VWA8: variants seen among roughly 807,000 people sequenced by gnomAD.
The protein encoded by VWA8 is von Willebrand factor A domain containing 8, also known as von Willebrand factor A domain-containing protein 8.
VWA8 carries 221 observed loss-of-function variants against 241.5 expected under a neutral mutation model. The observed-to-expected ratio is 0.91, with a 90% confidence interval of 0.82 to 1.02. The LOEUF (loss-of-function observed/expected upper bound fraction) is 1.02, where lower values mean the gene tolerates loss of function less well. Ranked by LOEUF, VWA8 falls within the 50% of genes least tolerant of loss-of-function variation. The probability of loss-of-function intolerance (pLI) is 0.00; values close to 1 mark genes in which losing one functional copy is unlikely to be tolerated. For missense variants in VWA8, 2,322 were observed against 2,328.7 expected (o/e 1.00, Z 0.06); for synonymous variants, 852 against 827.1 (o/e 1.03, Z -0.52).
chr13:41,649,195 A>G (rs1463415591), intron 37 of VWA8, among the ~76,000 whole-genome samples: 1 of 152,172 alleles, frequency 6.6e-6, no homozygotes, highest in African/African-American at 2.4e-5. Context: ...CAACAATAAC[A>G]ACAACAAAAA....
chr13:41,638,714 C>A (rs965509423), intron 37 of VWA8, among the ~76,000 whole-genome samples: 1 of 151,946 alleles, frequency 6.6e-6, no homozygotes, highest in Admixed American at 6.6e-5. Flanking sequence ...AATGGAGGTC[C>A]GAAAGTAGTC....
Position 41,882,209 on chromosome 13 carries a change from G to A in VWA8, c.1080+1178C>T, listed in dbSNP as rs1386184277. 4.6e-5 allele frequency among the ~76,000 whole-genome samples: 7 copies of A among 151,404 alleles called. No individual in the cohort carries two copies. In the East Asian group the frequency reaches 9.8e-4, roughly 21 times the overall value. ...TCTCCCCACATCTCAGACGATGGGCGGCCGGGCAGAGACGCTCCTCACTTC... is the reference window on the plus strand; with the variant it reads ...TCTCCCCACATCTCAGACGATGGGCAGCCGGGCAGAGACGCTCCTCACTTC... On this transcript the variant is annotated intron_variant, in intron 9 of 44. Transcript: ENST00000379310.
chr13:41,925,144 A>C (rs7490145), intron 2 of VWA8, among the ~76,000 whole-genome samples: 35,086 of 152,102 alleles, frequency 0.23, 4,111 homozygotes, highest in East Asian at 0.29. Context: ...GCCAGTCAAA[A>C]ATACTACACC....
chr13:41,768,416 A>C (rs915039916), intron 20 of VWA8, among the ~76,000 whole-genome samples: 2 of 152,184 alleles, frequency 1.3e-5, no homozygotes, highest in Non-Finnish European at 2.9e-5. Flanking sequence ...CATTTACTAA[A>C]CCTCTATCAG....
chr13:41,568,447 TG>T lies in VWA8; in HGVS notation c.5610-143del, dbSNP rs1253715028. 38 of 579,456 alleles carry T rather than the reference TG, an allele frequency of 6.6e-5. No individual in the cohort carries two copies. The African/African-American group carries it at 7.2e-4, about 11-fold the overall frequency. The allele number at this position is 579,456 out of a possible 1,614,324, so 35.9% of individuals were successfully genotyped here. On this transcript the variant is annotated intron_variant, in intron 44 of 44. Transcript: ENST00000379310. Reference sequence around the variant, plus strand: ...TAATACCTTGCTCTCTGCCTACCATTGAATTAGTCGTCATTAAACAATGAAA... The same window carrying T: ...TAATACCTTGCTCTCTGCCTACCATTAATTAGTCGTCATTAAACAATGAAA...
intron 22 of VWA8, among the ~76,000 whole-genome samples, chr13:41,730,822 G>C (rs957527343): frequency 2.0e-5 from 3 of 151,856 alleles, no homozygotes. Context: ...CACAGATTAA[G>C]AAATGGGCAT....
chr13:41,952,275 C>A (rs968899953), intron 1 of VWA8, among the ~76,000 whole-genome samples: 42 of 152,132 alleles, frequency 2.8e-4, no homozygotes, highest in Non-Finnish European at 4.9e-4. Flanking sequence ...AGTTCTAACA[C>A]CCTCAAAAAA....
intron 19 of VWA8, among the ~76,000 whole-genome samples, chr13:41,779,793 C>T (rs749415317): frequency 1.3e-5 from 2 of 152,124 alleles, no homozygotes; most frequent in African/African-American, 2.4e-5. Flanking sequence ...ATGTAAATAT[C>T]GAAAAATAAT....
At chr13:41,728,492 A>G (rs1344856418) in intron 23 of VWA8, among the ~76,000 whole-genome samples, 2 of 152,206 alleles carry the variant, frequency 1.3e-5, no homozygotes, top group East Asian at 3.9e-4. Flanking sequence ...CAGAGAATGT[A>G]GAGGGTTGCC....
chr13:41,961,064 G>C lies in VWA8; in HGVS notation c.-49C>G, dbSNP rs1168147320. On this transcript the variant is annotated 5_prime_UTR_variant, in exon 1 of 45. Coordinates refer to ENST00000379310, the MANE Select transcript of VWA8 (RefSeq NM_015058.2). ...CGGCGAGGGGGCTCGGGGATCGAGC[G>C]GCGTCCCGTGCAGGCACCGTGAGGC... The C allele has an allele frequency of 4.4e-6, 6 of 1,350,760 alleles. No individual in the cohort carries two copies. The highest frequency in any genetic ancestry group is 5.7e-6 in the Non-Finnish European group (6 of 1,055,814). The allele number at this position is 1,350,760 out of a possible 1,614,324, so 83.7% of individuals were successfully genotyped here.
chr13:41,594,597 A>G (rs891403962), intron 40 of VWA8, among the ~76,000 whole-genome samples: 1 of 152,188 alleles, frequency 6.6e-6, no homozygotes, highest in African/African-American at 2.4e-5. Flanking sequence ...AAAGTTGTCA[A>G]GATGACGGGT....
chr13:41,823,325 T>C (rs1485195667), intron 14 of VWA8, among the ~76,000 whole-genome samples: 3 of 152,108 alleles, frequency 2.0e-5, no homozygotes, highest in South Asian at 4.1e-4. Flanking sequence ...CAGTGTTCAA[T>C]AGCAACAAAT....
At position 41,690,253 on chromosome 13, in the gene VWA8, C is replaced by A; in HGVS notation, c.3889G>T (p.Ala1297Ser). 6.2e-7 allele frequency: 1 copy of A among 1,610,814 alleles called. No individual in the cohort carries two copies. Among genetic ancestry groups the A allele is most frequent in the East Asian group, 2.2e-5 (1 of 44,828 alleles). Residue 1297 changes from alanine to serine, a missense_variant, in exon 33 of 45, where the codon GCA (alanine) becomes TCA (serine). By Grantham distance (99) the Ala-to-Ser change is moderately conservative (BLOSUM62 1). Transcript: ENST00000379310. Reference protein sequence around the residue: ...TNQKYLLTKPAHIESEGSGVC... With the variant: ...TNQKYLLTKPSHIESEGSGVC... ...CCACTACCCTCAGATTCGATGTGTG[C>A]AGGCTTAGTTAAAAGATATTTCCTG...
rs78527162 is a variant in VWA8 at position 41,816,604 on chromosome 13, G to C, written c.1947+94C>G. ...AGGGATTCCAAAAAATAAAATACCA[G>C]CTTAAAAAATAGATTTTAAGTACTG... is the stretch of plus-strand genomic sequence containing the variant. On this transcript the variant is annotated intron_variant, in intron 16 of 44. Transcript: ENST00000379310. 216,185 of 1,232,372 alleles carry C rather than the reference G, an allele frequency of 0.18. 19,544 individuals carry two copies. Among genetic ancestry groups the C allele is most frequent in the East Asian group, 0.2 (8,544 of 41,876 alleles). The allele number at this position is 1,232,372 out of a possible 1,614,324, so 76.3% of individuals were successfully genotyped here. A position where few individuals can be genotyped will look rare whatever the true frequency, so the allele number is the denominator to read the frequency against.
At chr13:41,662,399 G>A (rs569004923) in intron 37 of VWA8, among the ~76,000 whole-genome samples, 2 of 152,174 alleles carry the variant, frequency 1.3e-5, no homozygotes, top group African/African-American at 4.8e-5. Flanking sequence ...TTTAGAGAAA[G>A]TTGTTTGTAA....
intron 5 of VWA8, among the ~76,000 whole-genome samples, chr13:41,887,738 A>G (rs1272376042): frequency 6.6e-6 from 1 of 152,242 alleles, no homozygotes; most frequent in Non-Finnish European, 1.5e-5. Context: ...GTGATTGATT[A>G]CCAGTGGACC....
intron 34 of VWA8, 57 bp from the exon 35 acceptor site, chr13:41,685,299 C>A: frequency 6.6e-7 from 1 of 1,507,186 alleles, no homozygotes; most frequent in African/African-American, 1.4e-5. Context: ...TTCACCACAA[C>A]CTTAACAACG....
intron 4 of VWA8, among the ~76,000 whole-genome samples, chr13:41,898,077 G>A (rs1875213581): frequency 6.6e-6 from 1 of 152,124 alleles, no homozygotes; most frequent in Non-Finnish European, 1.5e-5. Flanking sequence ...ACAGAGTGTC[G>A]ATTGGTGCAT....
intron 20 of VWA8, among the ~76,000 whole-genome samples, chr13:41,770,396 G>A (rs917941852): frequency 2.3e-4 from 34 of 148,748 alleles, no homozygotes; most frequent in African/African-American, 6.9e-4. Flanking sequence ...AGCCGAGATC[G>A]CGCCACTGCA....
Sources: allele counts gnomAD v4.1 joint callset (sites outside exome capture counted in the v4.1 genomes callset), GRCh38; gene constraint gnomAD v4.1.1; transcripts MANE v1.5; gene names NCBI Gene and HGNC (gene_info 2026-07-23, HGNC 2026-07-21).